TRAP1: variants seen among roughly 807,000 people sequenced by gnomAD.
TRAP1 encodes TNF receptor associated protein 1.
Under a neutral mutation model 89.1 loss-of-function variants are expected in TRAP1, and 102 were observed. That is an observed-to-expected ratio of 1.15 (90% CI 0.98 to 1.35). The LOEUF (loss-of-function observed/expected upper bound fraction) is 1.35. TRAP1 is among the 40% of genes most tolerant of loss of function. The pLI is 0.00. For synonymous variants in TRAP1, 508 were observed against 388.0 expected, an observed-to-expected ratio of 1.31 and a Z score of -3.64; for missense variants, 1,256 against 945.3, an observed-to-expected ratio of 1.33 and a Z score of -4.31.
intron 1 of TRAP1, among the ~76,000 whole-genome samples, chr16:3,701,360 C>T (rs1463444055): frequency 6.6e-6 from 1 of 152,100 alleles, no homozygotes; most frequent in African/African-American, 2.4e-5. Context: ...GATCTTAACA[C>T]TCCTCTCTCA....
At chr16:3,682,532 G>GGT in intron 4 of TRAP1, among the ~76,000 whole-genome samples, 1 of 151,984 alleles carries the variant, frequency 6.6e-6, no homozygotes, top group African/African-American at 2.4e-5. Context: ...TGGGACTACC[G>GGT]GCACACGCTG....
At chr16:3,685,774 T>C (rs1445014125) in intron 4 of TRAP1, among the ~76,000 whole-genome samples, 1 of 152,232 alleles carries the variant, frequency 6.6e-6, no homozygotes, top group African/African-American at 2.4e-5. Context: ...TAGTTATTGC[T>C]GGATGATGGG....
chr16:3,680,029 A>G, intron 4 of TRAP1: 2 of 460,860 alleles, frequency 4.3e-6, no homozygotes, highest in Non-Finnish European at 8.0e-6. Context: ...CAGGAGTTCA[A>G]GACCAGCCTG....
At chr16:3,664,122 C>T in intron 13 of TRAP1, 152 bp downstream of exon 13, 1 of 787,012 alleles carries the variant, frequency 1.3e-6, no homozygotes, top group East Asian at 3.1e-5. Context: ...AAACAGCCGT[C>T]ACAGTCGGTC....
At chr16:3,698,086 C>G (rs879612532) in intron 1 of TRAP1, among the ~76,000 whole-genome samples, 2 of 151,912 alleles carry the variant, frequency 1.3e-5, no homozygotes, top group Admixed American at 6.6e-5. Context: ...GCTGGGATTA[C>G]AGGCACAAAC....
chr16:3,715,674 A>G (rs2051589302), intron 1 of TRAP1, among the ~76,000 whole-genome samples: 1 of 152,046 alleles, frequency 6.6e-6, no homozygotes, highest in South Asian at 2.1e-4. Context: ...TTGGCCAGGC[A>G]CGGTGACACA....
Position 3,689,122 on chromosome 16 carries a change from T to C in TRAP1, c.263A>G (p.His88Arg). 6 of 1,613,798 alleles carry C rather than the reference T, an allele frequency of 3.7e-6. No individual in the cohort carries two copies. The highest frequency in any genetic ancestry group is 5.1e-6 in the Non-Finnish European group (6 of 1,179,842). ...TESVQGSTSK[H>R]EFQAETKKLL... The stretch of plus-strand genomic sequence containing the variant: ...CTTCTTTGTCTCGGCCTGGAACTCA[T>C]GTTTGGAAGTGGAACCTAGTAATGA... Residue 88 changes from histidine to arginine, a missense_variant, in exon 3 of 18, where the codon CAT becomes CGT. Transcript: ENST00000246957.
Position 3,664,467 on chromosome 16 carries a change from G to T in TRAP1, c.1384-8C>A. On this transcript the variant is annotated splice_polypyrimidine_tract_variant and splice_region_variant and intron_variant, in intron 12 of 17. Coordinates refer to ENST00000246957, the MANE Select transcript of TRAP1 (RefSeq NM_016292.3). ...CAGCTTTGCTATGTCCTCCTAGAAGGGACGGGGCAGGTCACCACTTATTCC... is the reference window on the plus strand; with the variant it reads ...CAGCTTTGCTATGTCCTCCTAGAAGTGACGGGGCAGGTCACCACTTATTCC... 6.2e-7 allele frequency: 1 copy of T among 1,604,682 alleles called. No homozygotes were observed. Among genetic ancestry groups the T allele is most frequent in the Non-Finnish European group, 8.5e-7 (1 of 1,176,428 alleles).
intron 13 of TRAP1, 105 bp from the exon 14 acceptor site, chr16:3,663,667 C>T: frequency 2.1e-6 from 3 of 1,457,336 alleles, no homozygotes; most frequent in Non-Finnish European, 2.8e-6. Context: ...GCGGGCCACA[C>T]TGGGGAACAC....
chr16:3,673,871 A>T, intron 9 of TRAP1, among the ~76,000 whole-genome samples: 1 of 69,686 alleles, frequency 1.4e-5, no homozygotes, highest in Admixed American at 1.2e-4. Flanking sequence ...GCCAACGGAG[A>T]GGCAAGACCA....
chr16:3,668,476 C>T (rs1381051804), intron 11 of TRAP1, among the ~76,000 whole-genome samples: 1 of 152,278 alleles, frequency 6.6e-6, no homozygotes, highest in South Asian at 2.1e-4. Context: ...GAAGGACATC[C>T]TTGTTTGTTG....
chr16:3,698,288 A>T (rs2051317313), intron 1 of TRAP1, among the ~76,000 whole-genome samples: 2 of 151,412 alleles, frequency 1.3e-5, no homozygotes, highest in Non-Finnish European at 2.9e-5. Context: ...AGCAGATTTG[A>T]TTTCAGGTTA....
At chr16:3,663,660 G>A in intron 13 of TRAP1, 98 bp from the exon 14 acceptor site, 1 of 1,506,258 alleles carries the variant, frequency 6.6e-7, no homozygotes, top group African/African-American at 1.4e-5. Context: ...GAGCCAAGCG[G>A]GCCACACTGG....
intron 1 of TRAP1, among the ~76,000 whole-genome samples, chr16:3,704,693 A>G (rs1239249527): frequency 1.3e-5 from 2 of 152,152 alleles, no homozygotes; most frequent in Admixed American, 6.6e-5. Context: ...CCAACTCTCA[A>G]AAAGTAAACA....
intron 1 of TRAP1, among the ~76,000 whole-genome samples, chr16:3,692,441 C>T (rs934068283): frequency 6.6e-6 from 1 of 150,468 alleles, no homozygotes; most frequent in Admixed American, 6.6e-5. Context: ...GAGACTGAGG[C>T]AGGGGAATGG....
rs1176995416 is a variant in TRAP1, at chr16:3,658,233, G to A, written c.2014-3C>T. 1.2e-6 allele frequency: 2 copies of A among 1,612,490 alleles called. No homozygotes were observed. Among genetic ancestry groups the A allele is most frequent in the Non-Finnish European group, 1.7e-6 (2 of 1,179,056 alleles). On this transcript the variant is annotated splice_region_variant and splice_polypyrimidine_tract_variant and intron_variant, in intron 17 of 17. Coordinates refer to ENST00000246957, the MANE Select transcript of TRAP1 (RefSeq NM_016292.3). ...GCAATCATGGCGTTCTCGTATATCTGAAAGGCAAGAGGAGAAACCCATTAT... is the reference window on the plus strand; with the variant it reads ...GCAATCATGGCGTTCTCGTATATCTAAAAGGCAAGAGGAGAAACCCATTAT...
chr16:3,710,119 C>T (rs1374643313), intron 1 of TRAP1, among the ~76,000 whole-genome samples: 1 of 152,138 alleles, frequency 6.6e-6, no homozygotes, highest in Admixed American at 6.6e-5. Flanking sequence ...CTTCATTCAT[C>T]AGGAAACATA....
intron 4 of TRAP1, among the ~76,000 whole-genome samples, chr16:3,683,204 G>C (rs547206131): frequency 1.3e-5 from 2 of 151,992 alleles, no homozygotes; most frequent in Admixed American, 1.3e-4. Context: ...CAAAAACAAG[G>C]AAAGTCTGAG....
At chr16:3,658,283 T>A in intron 17 of TRAP1, 53 bp from the exon 18 acceptor site, 4 of 865,146 alleles carry the variant, frequency 4.6e-6, no homozygotes, top group Non-Finnish European at 6.2e-6. Flanking sequence ...ACCTTTTCAT[T>A]TTTTTTTTTT....
Sources: gnomAD v4.1 joint callset for allele counts (sites outside exome capture counted in the v4.1 genomes callset) on GRCh38, gnomAD v4.1.1 for gene constraint, MANE v1.5 for transcripts, NCBI Gene and HGNC (gene_info 2026-07-23, HGNC 2026-07-21) for gene names.